NISCH: variants seen among roughly 807,000 people sequenced by gnomAD.
The protein encoded by NISCH is I-1 receptor candidate protein.
In NISCH, 55 loss-of-function variants were observed where a neutral mutation model predicts 138.4. The observed-to-expected ratio is 0.40, with a 90% CI of 0.32 to 0.50. NISCH has a LOEUF of 0.50. NISCH is among the 20% of genes least tolerant of loss of function. The probability of loss-of-function intolerance (pLI) is 0.71; values close to 1 mark genes in which losing one functional copy is unlikely to be tolerated. For synonymous variants in NISCH, 860 were observed against 861.5 expected (o/e 1.00, Z 0.03); for missense variants, 1,643 against 2,005.5 (o/e 0.82, Z 3.45).
chr3:52,480,624 C>A, intron 13 of NISCH: 1 of 1,426,172 alleles, frequency 7.0e-7, no homozygotes, highest in Non-Finnish European at 9.1e-7. Flanking sequence ...CATTCCCTCA[C>A]CGGCAGCACA....
chr3:52,481,470 A>G, intron 13 of NISCH: 3 of 985,522 alleles, frequency 3.0e-6, no homozygotes, highest in East Asian at 1.1e-4. Context: ...ATTTTATTAC[A>G]TAAAAGCCAG....
At chr3:52,488,684 T>C in intron 16 of NISCH, 79 bp downstream of exon 16, 1 of 1,273,378 alleles carries the variant, frequency 7.9e-7, no homozygotes, top group Non-Finnish European at 1.1e-6. Flanking sequence ...GCGGCTAGTG[T>C]GGGCTGGGAG....
chr3:52,476,352 C>A, intron 7 of NISCH, 95 bp from the exon 8 acceptor site: 1 of 1,381,170 alleles, frequency 7.2e-7, no homozygotes, highest in South Asian at 1.2e-5. Context: ...GCTAAATATG[C>A]TCCAGCCCTT....
intron 3 of NISCH, among the ~76,000 whole-genome samples, chr3:52,460,779 A>G (rs537399540): frequency 2.6e-5 from 4 of 152,332 alleles, no homozygotes; most frequent in Admixed American, 1.3e-4. Context: ...GTTTACGTAT[A>G]CCAAAATGCT....
intron 17 of NISCH, 83 bp from the exon 18 acceptor site, chr3:52,489,992 C>T: frequency 6.4e-7 from 1 of 1,555,018 alleles, no homozygotes; most frequent in Non-Finnish European, 8.8e-7. Flanking sequence ...CTTCCCATGT[C>T]TCCTTGTGGA....
chr3:52,472,489 G>A, intron 6 of NISCH, 91 bp downstream of exon 6: 1 of 1,162,482 alleles, frequency 8.6e-7, no homozygotes, highest in South Asian at 1.2e-5. Context: ...TAATCATAAG[G>A]TGCTGTGCTT....
chr3:52,490,524 C>T (rs139452883), intron 18 of NISCH, among the ~76,000 whole-genome samples, 181 bp from the exon 19 acceptor site: 42 of 152,314 alleles, frequency 2.8e-4, no homozygotes, highest in South Asian at 6.2e-4. Flanking sequence ...CCCTAGCCAG[C>T]GACCTGGTGA....
chr3:52,470,753 T>C, intron 3 of NISCH, 106 bp from the exon 4 acceptor site: 1 of 928,134 alleles, frequency 1.1e-6, no homozygotes, highest in African/African-American at 1.6e-5. Context: ...TTTAACTTCC[T>C]AGAGAGATGG....
chr3:52,488,697 G>A, intron 16 of NISCH, 92 bp downstream of exon 16: 1 of 1,115,700 alleles, frequency 9.0e-7, no homozygotes, highest in Non-Finnish European at 1.2e-6. Flanking sequence ...GCTGGGAGTT[G>A]CTGCGAGAGC....
intron 3 of NISCH, among the ~76,000 whole-genome samples, chr3:52,466,489 C>G (rs1706782559): frequency 6.6e-6 from 1 of 151,362 alleles, no homozygotes. Flanking sequence ...TGCTTGAACC[C>G]AGGAGGCGGA....
At chr3:52,469,144 C>A (rs1706869818) in intron 3 of NISCH, among the ~76,000 whole-genome samples, 2 of 152,200 alleles carry the variant, frequency 1.3e-5, no homozygotes, top group Admixed American at 6.5e-5. Flanking sequence ...AATTGCTTGT[C>A]CTGGTGGAAG....
intron 7 of NISCH, among the ~76,000 whole-genome samples, chr3:52,474,390 G>A (rs11921116): frequency 0.96 from 144,424 of 150,902 alleles, 69,154 homozygotes; most frequent in African/African-American, 0.98. Flanking sequence ...TCTGCCTCCC[G>A]GGTTCACGCC....
chr3:52,487,960 T>A lies in NISCH; in HGVS notation c.2468T>A (p.Ile823Asn). The change falls in exon 16 of 21, where the codon ATC (isoleucine) becomes AAC (asparagine). Residue 823 changes from isoleucine (I) to asparagine (N), a missense_variant. Coordinates refer to ENST00000345716, the MANE Select transcript of NISCH (RefSeq NM_007184.4). The surrounding 1 kb of genome is among the most constrained non-coding windows in gnomAD (Gnocchi z 9.1). ...CACATGGCCATGCTGTGTAGCCCCA[T>A]CCTCTACGGCAGCCACACCAGCCTG... ...PQHMAMLCSP[I>N]LYGSHTSLQE... 4.3e-6 allele frequency: 7 copies of A among 1,611,760 alleles called. No homozygotes were observed. The highest frequency in any genetic ancestry group is 5.9e-6 in the Non-Finnish European group (7 of 1,179,908).
chr3:52,488,320 T>C lies in NISCH; in HGVS notation c.2828T>C (p.Leu943Pro). 6.2e-7 allele frequency: 1 copy of C among 1,612,280 alleles called. No individual in the cohort carries two copies. The highest frequency in any genetic ancestry group is 8.5e-7 in the Non-Finnish European group (1 of 1,179,992). Residue 943 changes from leucine (L) to proline (P), a missense_variant, in exon 16 of 21, where the codon CTC (leucine) becomes CCC (proline). Coordinates refer to ENST00000345716, the MANE Select transcript of NISCH (RefSeq NM_007184.4). ...HNCRNRNSFK[L>P]SRVPLSTVLL... is the part of the protein sequence containing the mutation. ...TGTCGCAACCGCAACAGCTTCAAGCTCAGCCGTGTGCCGCTCTCCACCGTG... is the reference window on the plus strand; with the variant it reads ...TGTCGCAACCGCAACAGCTTCAAGCCCAGCCGTGTGCCGCTCTCCACCGTG...
Position 52,476,449 on chromosome 3 carries a change from A to T in NISCH, c.768A>T (p.Glu256Asp). 6.2e-7 allele frequency: 1 copy of T among 1,614,024 alleles called. No homozygotes were observed. The highest frequency in any genetic ancestry group is 8.5e-7 in the Non-Finnish European group (1 of 1,179,944). The change falls in exon 8 of 21, where the codon GAA becomes GAT. Residue 256 changes from glutamate to aspartate, a missense_variant and splice_region_variant. By Grantham distance (45) the Glu-to-Asp change is conservative (BLOSUM62 2). Transcript: ENST00000345716. ...TCCACACAGATGTTTTTATGCAGGA[A>T]GTCCTTGTTCCTGAAGCCTCAGAAT... is the stretch of plus-strand genomic sequence containing the variant. ...SVRFSATSMK[E>D]VLVPEASEFD...
chr3:52,458,281 C>CT (rs918153259), intron 2 of NISCH, among the ~76,000 whole-genome samples: 24 of 152,080 alleles, frequency 1.6e-4, no homozygotes, highest in South Asian at 2.1e-4. Context: ...GATTCCATCT[C>CT]TTTTTTTTGC....
At position 52,471,821 on chromosome 3, in the gene NISCH, G is replaced by A. The variant is rs1243945401; in HGVS notation, c.417G>A (p.Gln139=). 6.2e-7 allele frequency: 1 copy of A among 1,614,032 alleles called. No homozygotes were observed. Among genetic ancestry groups the A allele is most frequent in the Admixed American group, 1.7e-5 (1 of 60,004 alleles). The change falls in exon 5 of 21, where the codon CAG becomes CAA. Residue 139 remains glutamine (Q), a synonymous_variant. Coordinates refer to ENST00000345716, the MANE Select transcript of NISCH (RefSeq NM_007184.4). The part of the protein sequence containing the change: ...LAEELFEKGE[Q]LLGAGEVFAI... The stretch of plus-strand genomic sequence containing the variant: ...AGGGCATGGCTCTTGCAGGAGAACA[G>A]CTCCTGGGGGCCGGCGAGGTCTTTG...
At position 52,492,662 on chromosome 3, in the gene NISCH, G is replaced by C; in HGVS notation, c.*180G>C. The C allele has an allele frequency of 1.1e-6, 1 of 905,584 alleles. No individual in the cohort carries two copies. The highest frequency in any genetic ancestry group is 1.6e-6 in the Non-Finnish European group (1 of 620,324). 56.1% of individuals were successfully genotyped at this position (905,584 alleles called of 1,614,324 possible). ...TCTTTCTCATGTTGGGAGTGAGAAT[G>C]CCGGGCCCCTCAGGGCTGTCGGTGT... On this transcript the variant is annotated 3_prime_UTR_variant, in exon 21 of 21. Transcript: ENST00000345716.
chr3:52,478,087 G>T lies in NISCH; in HGVS notation c.988-10G>T. The T allele has an allele frequency of 6.2e-7, 1 of 1,612,962 alleles. No individual in the cohort carries two copies. Among genetic ancestry groups the T allele is most frequent in the Admixed American group, 1.7e-5 (1 of 60,006 alleles). On this transcript the variant is annotated splice_polypyrimidine_tract_variant and intron_variant, in intron 9 of 20. Transcript: ENST00000345716. ...TGAGCCACTTTACGCTGTTCTCCAC[G>T]CCGCTGCAGCACCTGTATAACCTTG...
Sources: allele counts gnomAD v4.1 joint callset (sites outside exome capture counted in the v4.1 genomes callset), GRCh38; gene constraint gnomAD v4.1.1; non-coding constraint Gnocchi (gnomAD v3.1); transcripts MANE v1.5; gene names NCBI Gene and HGNC (gene_info 2026-07-23, HGNC 2026-07-21).